The following TIMP3 variants were observed in gnomAD, a reference collection of about 807,000 sequenced individuals.
TIMP3 encodes TIMP metallopeptidase inhibitor 3.
In TIMP3, 11 loss-of-function variants were observed where a neutral mutation model predicts 30.0. The ratio of observed to expected loss-of-function variants is 0.37; its 90% CI spans 0.23 to 0.61. The LOEUF is 0.61. Among genes scored for constraint, TIMP3 ranks in the 20% least tolerant of loss-of-function variants. TIMP3 has a pLI of 0.70. For missense variants in TIMP3, 181 were observed against 276.8 expected (o/e 0.65, Z 2.45); for synonymous variants, 112 against 111.3 (o/e 1.01, Z -0.04).
At chr22:32,850,183 A>G (rs1006862544) in intron 2 of TIMP3, among the ~76,000 whole-genome samples, 27 of 151,450 alleles carry the variant, frequency 1.8e-4, no homozygotes, top group African/African-American at 6.1e-4. Context: ...AAGTACAGGA[A>G]GGAGGTATGC....
Position 32,802,008 on chromosome 22 carries a change from C to T in TIMP3, c.7C>T (p.Pro3Ser), listed in dbSNP as rs777890618. The T allele has an allele frequency of 1.6e-5, 26 of 1,583,628 alleles. No individual in the cohort carries two copies. Among genetic ancestry groups the T allele is most frequent in the Admixed American group, 5.3e-5 (3 of 56,876 alleles). The change falls in exon 1 of 5, where the codon CCT (proline) becomes TCT (serine). Residue 3 changes from proline to serine, a missense_variant. By Grantham distance (74) the Pro-to-Ser change is moderately conservative (BLOSUM62 -1). This residue lies in a region of TIMP3 where 71 missense variants were observed against 79.7 expected (regional missense o/e 0.89). Coordinates refer to ENST00000266085, the MANE Select transcript of TIMP3 (RefSeq NM_000362.5). ...AGCGGCGGCAGCAGCGGCAATGACC[C>T]CTTGGCTCGGGCTCATCGTGCTCCT... Reference protein sequence around the residue: MTPWLGLIVLLGS... With the variant: MTSWLGLIVLLGS...
intron 1 of TIMP3, among the ~76,000 whole-genome samples, chr22:32,846,969 C>T (rs946551659): frequency 3.3e-5 from 5 of 152,194 alleles, no homozygotes; most frequent in African/African-American, 9.7e-5. Context: ...TCCAGCAGTA[C>T]TCAGCTTTAT....
intron 1 of TIMP3, among the ~76,000 whole-genome samples, chr22:32,846,264 C>T (rs1266758951): frequency 1.3e-5 from 2 of 152,144 alleles, no homozygotes; most frequent in Non-Finnish European, 2.9e-5. Context: ...CCCAAAATAC[C>T]TCCTATACTT....
intron 2 of TIMP3, among the ~76,000 whole-genome samples, chr22:32,855,304 A>C (rs1369213262): frequency 6.6e-6 from 1 of 152,196 alleles, no homozygotes; most frequent in Non-Finnish European, 1.5e-5. Context: ...AGCTTCTGTT[A>C]CATTCATTCA....
At chr22:32,806,991 A>G (rs565638281) in intron 1 of TIMP3, among the ~76,000 whole-genome samples, 2 of 152,028 alleles carry the variant, frequency 1.3e-5, no homozygotes, top group African/African-American at 4.8e-5. Flanking sequence ...AATACCACAT[A>G]TAGTATTCTG....
intron 1 of TIMP3, among the ~76,000 whole-genome samples, chr22:32,814,317 C>CAGAA (rs552312629): frequency 2.7e-4 from 12 of 43,692 alleles, no homozygotes; most frequent in East Asian, 2.2e-3. Context: ...GAGAGAGAGA[C>CAGAA]AGAAAGAAAG....
chr22:32,840,581 C>G (rs374787197), intron 1 of TIMP3, among the ~76,000 whole-genome samples: 86 of 151,764 alleles, frequency 5.7e-4, no homozygotes, highest in Middle Eastern at 6.8e-3. Flanking sequence ...TCGGCTCTGG[C>G]TTTGCTCAGA....
intron 2 of TIMP3, 83 bp from the exon 3 acceptor site, chr22:32,857,166 A>G (rs964041371): frequency 3.8e-6 from 4 of 1,043,490 alleles, no homozygotes; most frequent in Non-Finnish European, 6.0e-6. Context: ...TTTCCTTTGG[A>G]TACATACCCA....
rs377512867 is a variant in TIMP3 at position 32,834,252 on chromosome 22, A to C, written c.122-15200A>C. On this transcript the variant is annotated intron_variant, in intron 1 of 4. Transcript: ENST00000266085. Reference sequence around the variant, plus strand: ...ACTGCAGCCTCCGCCTCCAAGGTTCAAGCCATTCTCCTGCCTCAGCCTCCC... The same window carrying C: ...ACTGCAGCCTCCGCCTCCAAGGTTCCAGCCATTCTCCTGCCTCAGCCTCCC... 1.1e-4 allele frequency among the ~76,000 whole-genome samples: 16 copies of C among 151,878 alleles called. No individual in the cohort carries two copies. In the East Asian group the frequency reaches 2.3e-3, roughly 22 times the overall value.
intron 1 of TIMP3, among the ~76,000 whole-genome samples, chr22:32,846,804 G>A (rs565929612): frequency 6.6e-6 from 1 of 152,358 alleles, no homozygotes; most frequent in Admixed American, 6.5e-5. Context: ...AAGAGCCCCA[G>A]AGAGATCATA....
chr22:32,852,354 A>AGAG (rs2048243705), intron 2 of TIMP3, among the ~76,000 whole-genome samples: 1 of 152,182 alleles, frequency 6.6e-6, no homozygotes, highest in East Asian at 1.9e-4. Context: ...GGGAACAAAA[A>AGAG]GAGGTCAGTT....
In TIMP3 at chr22:32,837,887, T is replaced by A. The variant is rs1427743285; in HGVS notation, c.122-11565T>A. ...TGTTGGACTCTCTGTTTTCTGTCTC[T>A]CCAATGGGCTGGACTCTCCAGCCTC... On this transcript the variant is annotated intron_variant, in intron 1 of 4. Transcript: ENST00000266085. This position sits in a 1 kb window ranked among gnomAD's most constrained non-coding sequence, Gnocchi z 4.1. 6.6e-6 allele frequency among the ~76,000 whole-genome samples: 1 copy of A among 152,162 alleles called. No homozygotes were observed. The highest frequency in any genetic ancestry group is 6.5e-5 in the Admixed American group (1 of 15,276).
At chr22:32,840,565 G>A (rs116527819) in intron 1 of TIMP3, among the ~76,000 whole-genome samples, 1,669 of 152,002 alleles carry the variant, frequency 0.011, 30 homozygotes, top group African/African-American at 0.037. Flanking sequence ...CTGGAAAGGC[G>A]GGAGATCGGC....
At chr22:32,847,083 A>AC (rs1187039233) in intron 1 of TIMP3, among the ~76,000 whole-genome samples, 1 of 151,078 alleles carries the variant, frequency 6.6e-6, no homozygotes, top group Non-Finnish European at 1.5e-5. Flanking sequence ...CCCCTCCCAC[A>AC]CCCCCCGGCC....
At chr22:32,855,837 G>C (rs1019364083) in intron 2 of TIMP3, among the ~76,000 whole-genome samples, 11 of 152,158 alleles carry the variant, frequency 7.2e-5, no homozygotes, top group African/African-American at 2.7e-4. Flanking sequence ...CACTGTATTA[G>C]ATTATGTCGT....
At chr22:32,836,353 CCTT>C (rs1253389375) in intron 1 of TIMP3, among the ~76,000 whole-genome samples, 1 of 152,206 alleles carries the variant, frequency 6.6e-6, no homozygotes, top group African/African-American at 2.4e-5. Context: ...TTGGTCTTCT[CCTT>C]CTTTATCAAT....
At chr22:32,842,792 A>G (rs956751831) in intron 1 of TIMP3, among the ~76,000 whole-genome samples, 8 of 152,154 alleles carry the variant, frequency 5.3e-5, no homozygotes, top group African/African-American at 1.9e-4. Flanking sequence ...AGATGATACG[A>G]TATACTGTTA....
At chr22:32,838,816 C>A (rs150540609) in intron 1 of TIMP3, among the ~76,000 whole-genome samples, 1 of 151,910 alleles carries the variant, frequency 6.6e-6, no homozygotes, top group African/African-American at 2.4e-5. Context: ...TTCATTCATT[C>A]AACATTTTTG....
At chr22:32,810,629 C>T (rs1285485769) in intron 1 of TIMP3, among the ~76,000 whole-genome samples, 1 of 152,204 alleles carries the variant, frequency 6.6e-6, no homozygotes, top group Non-Finnish European at 1.5e-5. Context: ...TAATTATCCC[C>T]TCTGCCTCTG....
Sources: allele counts gnomAD v4.1 joint callset (sites outside exome capture counted in the v4.1 genomes callset), GRCh38; gene constraint gnomAD v4.1.1; regional missense constraint gnomAD v4.1.1; non-coding constraint Gnocchi (gnomAD v3.1); transcripts MANE v1.5; gene names NCBI Gene and HGNC (gene_info 2026-07-23, HGNC 2026-07-21).